CAMTA1: variants seen among roughly 807,000 people sequenced by gnomAD.
CAMTA1 encodes calmodulin binding transcription activator 1.
A neutral mutation model predicts 170.9 loss-of-function variants in CAMTA1; 27 were observed. That is an observed-to-expected ratio of 0.16 (90% CI 0.12 to 0.22). The LOEUF is 0.22. Among genes scored for constraint, CAMTA1 ranks in the 10% least tolerant of loss-of-function variants. CAMTA1 has a pLI of 1.00. For missense variants in CAMTA1, 1,619 were observed against 2,217.2 expected, an observed-to-expected ratio of 0.73 and a Z score of 5.42; for synonymous variants, 833 against 891.5, an observed-to-expected ratio of 0.93 and a Z score of 1.17.
intron 3 of CAMTA1, among the ~76,000 whole-genome samples, chr1:7,032,863 T>C (rs1388771100): frequency 6.6e-6 from 1 of 152,214 alleles, no homozygotes; most frequent in Non-Finnish European, 1.5e-5. Context: ...CTTAGCACTT[T>C]AAAGAAGTTT....
chr1:7,320,077 T>C (rs1175584543), intron 5 of CAMTA1, among the ~76,000 whole-genome samples: 3 of 152,180 alleles, frequency 2.0e-5, no homozygotes, highest in Non-Finnish European at 4.4e-5. Flanking sequence ...TCCTTTCTGA[T>C]CTTTATGCTT....
chr1:7,302,763 G>A (rs1674967010), intron 5 of CAMTA1, among the ~76,000 whole-genome samples: 1 of 152,200 alleles, frequency 6.6e-6, no homozygotes, highest in African/African-American at 2.4e-5. Context: ...CAGGTATTGG[G>A]CTTCCCCGCT....
At chr1:7,240,193 C>G (rs1184539964) in intron 4 of CAMTA1, among the ~76,000 whole-genome samples, 1 of 152,048 alleles carries the variant, frequency 6.6e-6, no homozygotes, top group East Asian at 1.9e-4. Flanking sequence ...TATTTTAATT[C>G]TCTCATTTCT....
At chr1:6,899,554 G>GCACACA (rs70984034) in intron 3 of CAMTA1, among the ~76,000 whole-genome samples, 5,707 of 141,072 alleles carry the variant, frequency 0.04, 157 homozygotes, top group Admixed American at 0.046. Context: ...ACGCGCGCGC[G>GCACACA]CACACACACA....
At chr1:7,640,297 T>A (rs2095750782) in intron 6 of CAMTA1, 103 bp from the exon 7 acceptor site, 1 of 1,290,560 alleles carries the variant, frequency 7.7e-7, no homozygotes, top group Admixed American at 1.9e-5. Context: ...GAGCCGGGTG[T>A]CTGGGGCCTC....
intron 1 of CAMTA1, chr1:6,806,906 A>G: frequency 7.2e-6 from 3 of 418,406 alleles, no homozygotes; most frequent in Non-Finnish European, 1.3e-5. Flanking sequence ...CGCAGGGGCC[A>G]CGTGAACATT....
chr1:6,881,104 G>A (rs1351448344), intron 3 of CAMTA1, among the ~76,000 whole-genome samples: 2 of 152,138 alleles, frequency 1.3e-5, no homozygotes, highest in Non-Finnish European at 1.5e-5. Flanking sequence ...GTGTCACATA[G>A]CTAGTAAGTG....
At chr1:7,647,282 G>C (rs1012139854) in intron 7 of CAMTA1, among the ~76,000 whole-genome samples, 1 of 151,658 alleles carries the variant, frequency 6.6e-6, no homozygotes, top group Admixed American at 6.6e-5. Flanking sequence ...TCCAGAAGGG[G>C]GGGGGGCTGT....
chr1:7,571,870 G>C (rs1176067554), intron 6 of CAMTA1, among the ~76,000 whole-genome samples: 1 of 152,190 alleles, frequency 6.6e-6, no homozygotes, highest in Non-Finnish European at 1.5e-5. Flanking sequence ...GAGATTGCTA[G>C]GTCGAATGGG....
intron 12 of CAMTA1, among the ~76,000 whole-genome samples, chr1:7,735,796 A>C (rs1312436081): frequency 6.6e-6 from 1 of 151,888 alleles, no homozygotes; most frequent in Non-Finnish European, 1.5e-5. Flanking sequence ...TTTTGAGACA[A>C]GGTCTTGCTC....
chr1:7,744,755 A>T (rs1194868989), intron 16 of CAMTA1, 80 bp from the exon 17 acceptor site: 1 of 1,259,998 alleles, frequency 7.9e-7, no homozygotes, highest in African/African-American at 1.5e-5. Context: ...TTTTCTCTCC[A>T]AGGCGAGGCA....
chr1:6,803,142 C>T (rs148591797), intron 1 of CAMTA1, among the ~76,000 whole-genome samples: 17 of 152,328 alleles, frequency 1.1e-4, no homozygotes, highest in Non-Finnish European at 2.4e-4. Flanking sequence ...CAGGTGGAAT[C>T]AGGCAGTTTG....
chr1:7,606,535 C>T (rs1557993553), intron 6 of CAMTA1, among the ~76,000 whole-genome samples: 2 of 152,218 alleles, frequency 1.3e-5, no homozygotes, highest in African/African-American at 2.4e-5. Flanking sequence ...GCATGCCTTA[C>T]ATTCAGAGGC....
chr1:7,533,332 G>T (rs2094513146), intron 6 of CAMTA1, among the ~76,000 whole-genome samples: 1 of 152,184 alleles, frequency 6.6e-6, no homozygotes, highest in Admixed American at 6.5e-5. Context: ...GTGGGCCAGG[G>T]TTACCTGCCC....
intron 6 of CAMTA1, among the ~76,000 whole-genome samples, chr1:7,498,683 ATATG>A (rs1455138025): frequency 1.9e-4 from 24 of 126,758 alleles, no homozygotes; most frequent in South Asian, 1.9e-3. Context: ...GAGTGCATGC[ATATG>A]TATGTGTGTA....
intron 3 of CAMTA1, among the ~76,000 whole-genome samples, chr1:6,969,424 T>C (rs1250337566): frequency 6.6e-6 from 1 of 152,134 alleles, no homozygotes; most frequent in African/African-American, 2.4e-5. Flanking sequence ...GCTCCAGCCG[T>C]TGGACTGCCG....
rs564813753 is a variant in CAMTA1 at position 7,459,630 on chromosome 1, A to G, written c.439-8200A>G. Reference sequence around the variant, plus strand: ...GCACACTCAGGCCCTGCTTCTGCTGACAGATCTGCCCTCCAGGCTGCAGGC... The same window carrying G: ...GCACACTCAGGCCCTGCTTCTGCTGGCAGATCTGCCCTCCAGGCTGCAGGC... On this transcript the variant is annotated intron_variant, in intron 5 of 22. Coordinates refer to ENST00000303635, the MANE Select transcript of CAMTA1 (RefSeq NM_015215.4). 2.0e-5 allele frequency among the ~76,000 whole-genome samples: 3 copies of G among 152,256 alleles called. No individual in the cohort carries two copies. The South Asian group carries it at 6.2e-4, about 32-fold the overall frequency.
intron 22 of CAMTA1, among the ~76,000 whole-genome samples, chr1:7,762,911 A>G (rs182855536): frequency 1.3e-5 from 2 of 152,336 alleles, no homozygotes; most frequent in Admixed American, 6.5e-5. Flanking sequence ...TTCATCTCAT[A>G]CCATGGAAAT....
chr1:7,220,593 T>C (rs1660573174), intron 4 of CAMTA1, among the ~76,000 whole-genome samples: 1 of 152,130 alleles, frequency 6.6e-6, no homozygotes, highest in African/African-American at 2.4e-5. Flanking sequence ...TTGTTCTCTG[T>C]GGGTTCCAGA....
Sources: allele counts gnomAD v4.1 joint callset (sites outside exome capture counted in the v4.1 genomes callset), GRCh38; gene constraint gnomAD v4.1.1; transcripts MANE v1.5; gene names NCBI Gene and HGNC (gene_info 2026-07-23, HGNC 2026-07-21).